The following ABCB6 variants were observed in gnomAD, a reference collection of about 807,000 sequenced individuals.
The protein encoded by ABCB6 is ATP-binding cassette sub-family B member 6.
Under a neutral mutation model 99.4 loss-of-function variants are expected in ABCB6, and 87 were observed. The observed-to-expected ratio is 0.88, with a 90% CI of 0.74 to 1.05. The LOEUF (loss-of-function observed/expected upper bound fraction) is 1.05. Among genes scored for constraint, ABCB6 ranks in the 50% least tolerant of loss-of-function variants. The pLI is 0.00. For missense variants in ABCB6, 1,050 were observed against 1,097.9 expected, an observed-to-expected ratio of 0.96 and a Z score of 0.62; for synonymous variants, 482 against 447.5, an observed-to-expected ratio of 1.08 and a Z score of -0.97.
chr2:219,216,158 G>A lies in ABCB6; in HGVS notation c.993C>T (p.Thr331=). The change falls in exon 5 of 19, where the codon ACC becomes ACT. Residue 331 remains threonine (T), a synonymous_variant. Coordinates refer to ENST00000265316, the MANE Select transcript of ABCB6 (RefSeq NM_005689.4). The surrounding 1 kb of genome is among the most constrained non-coding windows in gnomAD (Gnocchi z 4.2). ...ACTGCTGCACCCGGATCCACAGGAA[G>A]GTGCGCAGGTTGCTCACGAAGCCTG... ...GSTGFVSNLR[T]FLWIRVQQFT... is the part of the protein sequence containing the mutation. 1.3e-6 allele frequency: 2 copies of A among 1,595,674 alleles called. No homozygotes were observed. Among genetic ancestry groups the A allele is most frequent in the Non-Finnish European group, 1.7e-6 (2 of 1,169,440 alleles).
chr2:219,211,638 T>TG (rs1240109494), intron 14 of ABCB6, among the ~76,000 whole-genome samples: 2 of 148,964 alleles, frequency 1.3e-5, no homozygotes, highest in African/African-American at 5.0e-5. Flanking sequence ...TTTTTTTTTT[T>TG]TTTGTTTTGC....
chr2:219,210,157 C>T (rs1950557487), intron 18 of ABCB6, 73 bp downstream of exon 18: 1 of 1,605,814 alleles, frequency 6.2e-7, no homozygotes, highest in Non-Finnish European at 8.5e-7. Flanking sequence ...CCAGAAGCCC[C>T]TGGGACTTCA....
rs1414930696 is a variant in ABCB6, at chr2:219,210,434, C to T, written c.2298G>A (p.Gln766=). 1.9e-6 allele frequency: 3 copies of T among 1,614,188 alleles called. No homozygotes were observed. Among genetic ancestry groups the T allele is most frequent in the South Asian group, 1.1e-5 (1 of 91,084 alleles). The change falls in exon 17 of 19, where the codon CAG becomes CAA. Residue 766 remains glutamine, a synonymous_variant. Coordinates refer to ENST00000265316, the MANE Select transcript of ABCB6 (RefSeq NM_005689.4). ...ALDTSNERAI[Q]ASLAKVCANR... is the part of the protein sequence containing the mutation. Reference sequence around the variant, plus strand: ...TGGCACAGACTTTGGCCAGAGAAGCCTGGATGGCCCTCTCATTAGATGTAT... The same window carrying T: ...TGGCACAGACTTTGGCCAGAGAAGCTTGGATGGCCCTCTCATTAGATGTAT...
chr2:219,211,199 G>A (rs1014404591), intron 14 of ABCB6, 91 bp from the exon 15 acceptor site: 2 of 1,420,202 alleles, frequency 1.4e-6, no homozygotes, highest in Non-Finnish European at 2.0e-6. Context: ...TGGGATAAGA[G>A]GCTGTGGTAA....
rs750146718 is a variant in ABCB6 at position 219,217,751 on chromosome 2, C to T, written c.606G>A (p.Leu202=). 1 of 1,614,074 alleles carries T rather than the reference C, an allele frequency of 6.2e-7. No individual in the cohort carries two copies. Among genetic ancestry groups the T allele is most frequent in the South Asian group, 1.1e-5 (1 of 91,086 alleles). ...GACGAAGTCCAGGGGCCCAGAGACCCAGGACAAACAGCCCTCCAGAGACCA... is the reference window on the plus strand; with the variant it reads ...GACGAAGTCCAGGGGCCCAGAGACCTAGGACAAACAGCCCTCCAGAGACCA... The part of the protein sequence containing the change: ...RYVVSGGLFV[L]GLWAPGLRPQ... Residue 202 remains leucine, a synonymous_variant, in exon 2 of 19, where the codon CTG becomes CTA. Coordinates refer to ENST00000265316, the MANE Select transcript of ABCB6 (RefSeq NM_005689.4).
Position 219,218,816 on chromosome 2 carries a change from C to T in ABCB6, c.-143G>A, listed in dbSNP as rs1418110416. 2.2e-6 allele frequency: 2 copies of T among 927,922 alleles called. No individual in the cohort carries two copies. The highest frequency in any genetic ancestry group is 1.5e-6 in the Non-Finnish European group (1 of 646,992). 57.5% of individuals were successfully genotyped at this position (927,922 alleles called of 1,614,324 possible). ...AAGCTGCGGGGGTCCCGGGAAGGGA[C>T]GCACGTGGACCAGGCCTCACCGCCC... On this transcript the variant is annotated 5_prime_UTR_variant, in exon 1 of 19. Transcript: ENST00000265316.
intron 1 of ABCB6, 99 bp downstream of exon 1, chr2:219,218,026 A>T: frequency 6.9e-7 from 1 of 1,451,628 alleles, no homozygotes; most frequent in Non-Finnish European, 9.2e-7. Flanking sequence ...CCCTTTGCTT[A>T]GAGGCATCCT....
rs1950596170 is a variant in ABCB6 at position 219,212,913 on chromosome 2, GCTCT to G, written c.1863+91_1863+94del. 4 of 1,376,298 alleles carry G rather than the reference GCTCT, an allele frequency of 2.9e-6. No homozygotes were observed. In the Admixed American group the frequency reaches 5.6e-5, roughly 19 times the overall value. 85.3% of individuals were successfully genotyped at this position (1,376,298 alleles called of 1,614,324 possible). ...CAATCCGGTTGCCTATCGTGACTGG[GCTCT>G]CTGACTCCACAGCCTGGGTCACAAG... is the stretch of plus-strand genomic sequence containing the variant. On this transcript the variant is annotated intron_variant, in intron 13 of 18. Transcript: ENST00000265316.
In ABCB6 at chr2:219,216,629, G is replaced by A; in HGVS notation, c.868+23C>T. On this transcript the variant is annotated intron_variant, in intron 3 of 18. Coordinates refer to ENST00000265316, the MANE Select transcript of ABCB6 (RefSeq NM_005689.4). This position sits in a 1 kb window ranked among gnomAD's most constrained non-coding sequence, Gnocchi z 4.2. ...CAGGCTGATGAAGGACCAGCACACT[G>A]AGCTGGTGCTCCTCCTGCTCACCAA... The A allele has an allele frequency of 6.5e-7, 1 of 1,548,436 alleles. No individual in the cohort carries two copies. The highest frequency in any genetic ancestry group is 8.7e-7 in the Non-Finnish European group (1 of 1,144,272).
Position 219,214,131 on chromosome 2 carries a change from A to T in ABCB6, c.1442T>A (p.Ile481Asn). The T allele has an allele frequency of 6.2e-7, 1 of 1,614,170 alleles. No individual in the cohort carries two copies. The highest frequency in any genetic ancestry group is 8.5e-7 in the Non-Finnish European group (1 of 1,180,036). The change falls in exon 8 of 19, where the codon ATC (isoleucine) becomes AAC (asparagine). Residue 481 changes from isoleucine to asparagine, a missense_variant. By Grantham distance (149) the Ile-to-Asn change is moderately radical (BLOSUM62 -3). Transcript: ENST00000265316. ...YEVERYREAI[I>N]KYQGLEWKSS... ...AACTAGCATCCTCACCTGATATTTG[A>T]TGATGGCCTCTCGATAGCGTTCCAC...
chr2:219,214,500 T>TG lies in ABCB6; in HGVS notation c.1277-3dup. 6.2e-7 allele frequency: 1 copy of TG among 1,609,636 alleles called. No individual in the cohort carries two copies. Among genetic ancestry groups the TG allele is most frequent in the Non-Finnish European group, 8.5e-7 (1 of 1,175,954 alleles). On this transcript the variant is annotated splice_polypyrimidine_tract_variant and splice_region_variant and intron_variant, in intron 6 of 18. Coordinates refer to ENST00000265316, the MANE Select transcript of ABCB6 (RefSeq NM_005689.4). ...ACTCAGTGACCACAATGGTCAGGGC[T>TG]GGAGAGTGACAGGATGGGGAGCAGA... is the stretch of plus-strand genomic sequence containing the variant.
intron 12 of ABCB6, 24 bp from the exon 13 acceptor site, chr2:219,213,089 C>T: frequency 6.2e-7 from 1 of 1,612,890 alleles, no homozygotes; most frequent in Non-Finnish European, 8.5e-7. Flanking sequence ...TGGGGTTGCT[C>T]AGCAGGCACC....
intron 13 of ABCB6, 110 bp downstream of exon 13, chr2:219,212,898 G>T: frequency 1.6e-6 from 2 of 1,214,002 alleles, no homozygotes; most frequent in African/African-American, 1.5e-5. Flanking sequence ...CAATCCGGTT[G>T]CCTATCGTGA....
rs1189611597 is a variant in ABCB6 at position 219,210,797 on chromosome 2, C to T, written c.2170G>A (p.Gly724Arg). The T allele has an allele frequency of 6.2e-7, 1 of 1,613,856 alleles. No homozygotes were observed. Among genetic ancestry groups the T allele is most frequent in the Admixed American group, 1.7e-5 (1 of 60,012 alleles). ...EGYRTQVGERGLKLSGGEKQR... is the reference protein window; with the variant it reads ...EGYRTQVGERRLKLSGGEKQR... Reference sequence around the variant, plus strand: ...TTCTCCCCGCCGCTCAGCTTCAGTCCCCGCTCGCCCACCTGTGTCCTGTAC... The same window carrying T: ...TTCTCCCCGCCGCTCAGCTTCAGTCTCCGCTCGCCCACCTGTGTCCTGTAC... The change falls in exon 16 of 19, where the codon GGA (glycine) becomes AGA (arginine). Residue 724 changes from glycine (G) to arginine (R), a missense_variant. Physicochemically the swap from Gly to Arg is moderately radical, Grantham distance 125. Transcript: ENST00000265316.
chr2:219,213,408 C>G, intron 11 of ABCB6, 31 bp downstream of exon 11: 1 of 1,614,090 alleles, frequency 6.2e-7, no homozygotes, highest in Non-Finnish European at 8.5e-7. Context: ...GCTCCTCCCT[C>G]CCCAAACCCT....
intron 7 of ABCB6, 77 bp downstream of exon 7, chr2:219,214,312 C>T: frequency 6.7e-7 from 1 of 1,481,770 alleles, no homozygotes; most frequent in Non-Finnish European, 9.4e-7. Flanking sequence ...CCCCAGCTCT[C>T]TGTCAGCCCC....
intron 5 of ABCB6, chr2:219,215,768 AAC>A (rs1444232761): frequency 3.7e-5 from 16 of 435,528 alleles, no homozygotes; most frequent in African/African-American, 3.2e-4. Context: ...CAACATACTA[AAC>A]AGAGTGGGAA....
Position 219,213,072 on chromosome 2 carries a change from G to A in ABCB6, c.1806-7C>T. ...GTCCTGCAGAGTCTCCCGCCTGCAA[G>A]GAAAGGTGGGGTTGCTCAGCAGGCA... On this transcript the variant is annotated splice_region_variant and splice_polypyrimidine_tract_variant and intron_variant, in intron 12 of 18. Coordinates refer to ENST00000265316, the MANE Select transcript of ABCB6 (RefSeq NM_005689.4). The A allele has an allele frequency of 6.2e-7, 1 of 1,613,774 alleles. No individual in the cohort carries two copies. The highest frequency in any genetic ancestry group is 2.2e-5 in the East Asian group (1 of 44,870).
At chr2:219,215,339 C>T (rs1574814754) in intron 5 of ABCB6, 1 of 423,766 alleles carries the variant, frequency 2.4e-6, no homozygotes, top group East Asian at 4.6e-5. Context: ...TAATAAGCAA[C>T]TCTGAGAATG....
Sources: allele counts gnomAD v4.1 joint callset (sites outside exome capture counted in the v4.1 genomes callset), GRCh38; gene constraint gnomAD v4.1.1; non-coding constraint Gnocchi (gnomAD v3.1); transcripts MANE v1.5; gene names NCBI Gene and HGNC (gene_info 2026-07-23, HGNC 2026-07-21).